The following NCKAP5L variants were observed in gnomAD, a reference collection of about 807,000 sequenced individuals.
The protein encoded by NCKAP5L is NCK associated protein 5 like, also known as nck-associated protein 5-like.
Under a neutral mutation model 103.2 loss-of-function variants are expected in NCKAP5L, and 54 were observed. The ratio of observed to expected loss-of-function variants is 0.52; its 90% CI spans 0.42 to 0.66. NCKAP5L has a LOEUF of 0.66. NCKAP5L is among the 30% of genes least tolerant of loss of function. The pLI is 0.00. For missense variants in NCKAP5L, 1,733 were observed against 1,750.6 expected (o/e 0.99, Z 0.18); for synonymous variants, 762 against 748.6 (o/e 1.02, Z -0.29).
chr12:49,801,831 G>C lies in NCKAP5L; in HGVS notation c.351+17C>G. 1 of 1,613,590 alleles carries C rather than the reference G, an allele frequency of 6.2e-7. No individual in the cohort carries two copies. The highest frequency in any genetic ancestry group is 1.1e-5 in the South Asian group (1 of 91,066). ...AGGAGGCAGTGCGATGGGAGTGAAA[G>C]GAGCGCAGATGCCTACCTGAGGGAG... is the stretch of plus-strand genomic sequence containing the variant. On this transcript the variant is annotated intron_variant, in intron 6 of 12. Transcript: ENST00000335999.
At chr12:49,822,047 G>A (rs965941760) in intron 1 of NCKAP5L, among the ~76,000 whole-genome samples, 1 of 152,136 alleles carries the variant, frequency 6.6e-6, no homozygotes, top group African/African-American at 2.4e-5. Context: ...GCTGTGGGAG[G>A]TAAATAGGTC....
At chr12:49,803,024 C>A (rs1273746491) in intron 4 of NCKAP5L, 28 bp from the exon 5 acceptor site, 2 of 1,614,256 alleles carry the variant, frequency 1.2e-6, no homozygotes, top group Non-Finnish European at 1.7e-6. Context: ...CGAGGCAGAG[C>A]CATCAGCTGA....
chr12:49,816,495 CAAAAAAAAA>C (rs1163941989), intron 1 of NCKAP5L, among the ~76,000 whole-genome samples: 3 of 49,434 alleles, frequency 6.1e-5, no homozygotes, highest in Non-Finnish European at 1.1e-4. Flanking sequence ...TCAACCCTCT[CAAAAAAAAA>C]AAAAAAAAAA....
intron 1 of NCKAP5L, among the ~76,000 whole-genome samples, chr12:49,821,273 C>T (rs144550503): frequency 0.011 from 1,721 of 152,312 alleles, 53 homozygotes; most frequent in Admixed American, 0.054. Flanking sequence ...CCCAACTTCC[C>T]CTCAGCCTGG....
chr12:49,812,426 C>G (rs1946250773), intron 1 of NCKAP5L, among the ~76,000 whole-genome samples: 1 of 151,746 alleles, frequency 6.6e-6, no homozygotes, highest in African/African-American at 2.4e-5. Flanking sequence ...TCATGTTGCC[C>G]AGGCTGGAGT....
rs374734587 is a variant in NCKAP5L at position 49,801,915 on chromosome 12, C to T, written c.284G>A (p.Arg95Gln). Residue 95 changes from arginine (R) to glutamine (Q), a missense_variant, in exon 6 of 13, where the codon CGG (arginine) becomes CAG (glutamine). Physicochemically the swap from Arg to Gln is conservative, Grantham distance 43. Coordinates refer to ENST00000335999, the MANE Select transcript of NCKAP5L (RefSeq NM_001037806.4). ...KLKKRVFDLE[R>Q]QNQMLSALFQ... ...CAGGGCACTCAGCATCTGGTTCTGC[C>T]GTTCCAGGTCAAACACTCTCTTCTT... The T allele has an allele frequency of 2.0e-5, 32 of 1,613,938 alleles. No individual in the cohort carries two copies. The African/African-American group carries it at 2.1e-4, about 11-fold the overall frequency.
intron 1 of NCKAP5L, among the ~76,000 whole-genome samples, chr12:49,808,891 C>T (rs1946209486): frequency 6.6e-6 from 1 of 152,186 alleles, no homozygotes; most frequent in Admixed American, 6.5e-5. Flanking sequence ...CAGGCAGGGT[C>T]TGGGAACTCT....
chr12:49,827,157 G>A (rs1012674180), intron 1 of NCKAP5L, among the ~76,000 whole-genome samples: 10 of 152,070 alleles, frequency 6.6e-5, no homozygotes, highest in Non-Finnish European at 1.3e-4. Flanking sequence ...CATTTTCCCC[G>A]AAAGTACTGA....
At position 49,794,747 on chromosome 12, in the gene NCKAP5L, C is replaced by A. The variant is rs1946002967; in HGVS notation, c.3095+18G>T. The A allele has an allele frequency of 2.7e-6, 4 of 1,465,772 alleles. No homozygotes were observed. Among genetic ancestry groups the A allele is most frequent in the Admixed American group, 2.8e-5 (1 of 36,184 alleles). The allele number at this position is 1,465,772 out of a possible 1,614,324, so 90.8% of individuals were successfully genotyped here. ...CCCAAGCCCACCAAGCCCCTGTTGA[C>A]TGATCCCAGGACCTCACCTGTTTAG... On this transcript the variant is annotated intron_variant, in intron 8 of 12. Coordinates refer to ENST00000335999, the MANE Select transcript of NCKAP5L (RefSeq NM_001037806.4).
Position 49,796,536 on chromosome 12 carries a change from C to T in NCKAP5L, c.1324G>A (p.Gly442Arg). The T allele has an allele frequency of 2.5e-6, 4 of 1,578,318 alleles. No homozygotes were observed. The highest frequency in any genetic ancestry group is 3.4e-6 in the Non-Finnish European group (4 of 1,165,318). The change falls in exon 8 of 13, where the codon GGG (glycine) becomes AGG (arginine). Residue 442 changes from glycine (G) to arginine (R), a missense_variant. By Grantham distance (125) the Gly-to-Arg change is moderately radical. Transcript: ENST00000335999. ...SKLQIGPPSP[G>R]EAQGPLLPSP... ...GGCAGAAGGGGTCCCTGAGCTTCCC[C>T]AGGAGAAGGGGGGCCAATTTGGAGC... is the stretch of plus-strand genomic sequence containing the variant.
At chr12:49,798,518 T>A (rs1353997933) in intron 6 of NCKAP5L, 55 bp from the exon 7 acceptor site, 3 of 1,424,434 alleles carry the variant, frequency 2.1e-6, no homozygotes, top group Non-Finnish European at 2.9e-6. Flanking sequence ...AGCTCCCTAC[T>A]CCCTCGCAAA....
intron 1 of NCKAP5L, among the ~76,000 whole-genome samples, chr12:49,823,397 G>A (rs1946382778): frequency 6.6e-6 from 1 of 152,106 alleles, no homozygotes; most frequent in African/African-American, 2.4e-5. Flanking sequence ...CAGCCCCTGG[G>A]AACTGCAACT....
rs1165237358 is a variant in NCKAP5L at position 49,791,164 on chromosome 12, A to T, written c.*675T>A. The T allele has an allele frequency of 6.6e-6, 1 of 152,414 alleles. No homozygotes were observed. The allele number at this position is 152,414 out of a possible 1,614,324, so 9.4% of individuals were successfully genotyped here. ...TCAGGGGCAGGGAGGGGGCCTCCAC[A>T]TTTTATTAGGGATACGGCAGAAGCA... On this transcript the variant is annotated 3_prime_UTR_variant, in exon 13 of 13. Transcript: ENST00000335999.
intron 2 of NCKAP5L, 117 bp from the exon 3 acceptor site, chr12:49,804,197 C>T: frequency 1.0e-6 from 1 of 969,580 alleles, no homozygotes; most frequent in East Asian, 2.8e-5. Flanking sequence ...AACTCAGGGC[C>T]AGGCTGGGTA....
intron 1 of NCKAP5L, among the ~76,000 whole-genome samples, chr12:49,815,074 G>A (rs1946282612): frequency 6.6e-6 from 1 of 152,218 alleles, no homozygotes; most frequent in Middle Eastern, 3.2e-3. Flanking sequence ...CTTGTTCCTG[G>A]TGATGTTTTA....
intron 9 of NCKAP5L, 123 bp downstream of exon 9, chr12:49,793,611 C>A: frequency 7.4e-7 from 1 of 1,345,964 alleles, no homozygotes. Context: ...CCAGTCTCCC[C>A]GTAGAGACTG....
rs1946074806 is a variant in NCKAP5L at position 49,797,770 on chromosome 12, C to T, written c.466-376G>A. Among the ~76,000 whole-genome samples, 1 of 152,176 alleles carries T rather than the reference C, an allele frequency of 6.6e-6. No homozygotes were observed. The highest frequency in any genetic ancestry group is 2.4e-5 in the African/African-American group (1 of 41,434). On this transcript the variant is annotated intron_variant, in intron 7 of 12. Coordinates refer to ENST00000335999, the MANE Select transcript of NCKAP5L (RefSeq NM_001037806.4). The surrounding 1 kb of genome is among the most constrained non-coding windows in gnomAD (Gnocchi z 4.5). ...CCATTTCTCGGGCCCAGAAAGAACA[C>T]ACAGACTCCAGAAGGGAGTGTGATG...
intron 1 of NCKAP5L, among the ~76,000 whole-genome samples, chr12:49,820,132 G>GA (rs909542622): frequency 1.3e-5 from 2 of 152,178 alleles, no homozygotes; most frequent in Non-Finnish European, 2.9e-5. Flanking sequence ...CCCACAGGAG[G>GA]AACCAAGGCA....
Position 49,793,892 on chromosome 12 carries a change from C to A in NCKAP5L, c.3100G>T (p.Asp1034Tyr). The A allele has an allele frequency of 6.5e-7, 1 of 1,547,046 alleles. No homozygotes were observed. Among genetic ancestry groups the A allele is most frequent in the Non-Finnish European group, 8.7e-7 (1 of 1,147,050 alleles). Residue 1034 changes from aspartate (D) to tyrosine (Y), a missense_variant, in exon 9 of 13, where the codon GAT becomes TAT. By Grantham distance (160) the Asp-to-Tyr change is radical. Coordinates refer to ENST00000335999, the MANE Select transcript of NCKAP5L (RefSeq NM_001037806.4). ...TFMQQLLNRV[D>Y]GKELPSKSWR... ...CTCTTGGATGGCAGCTCCTTGCCAT[C>A]CACCCTATGGGCAACAGTGCAGATA...
Sources: allele counts gnomAD v4.1 joint callset (sites outside exome capture counted in the v4.1 genomes callset), GRCh38; gene constraint gnomAD v4.1.1; non-coding constraint Gnocchi (gnomAD v3.1); transcripts MANE v1.5; gene names NCBI Gene and HGNC (gene_info 2026-07-23, HGNC 2026-07-21).